The following FAM184A variants were observed in gnomAD, a reference collection of about 807,000 sequenced individuals.
The protein encoded by FAM184A is protein FAM184A.
A neutral mutation model predicts 143.8 loss-of-function variants in FAM184A; 99 were observed. The observed-to-expected ratio is 0.69, with a 90% CI of 0.58 to 0.81. The LOEUF is 0.81. FAM184A is among the 40% of genes least tolerant of loss of function. The pLI is 0.00. For synonymous variants in FAM184A, 427 were observed against 446.4 expected, an observed-to-expected ratio of 0.96 and a Z score of 0.55; for missense variants, 1,217 against 1,310.5, an observed-to-expected ratio of 0.93 and a Z score of 1.10.
chr6:119,134,741 A>T (rs1789619432), intron 1 of FAM184A, among the ~76,000 whole-genome samples: 1 of 152,144 alleles, frequency 6.6e-6, no homozygotes, highest in Admixed American at 6.5e-5. Context: ...ACTCACTGAG[A>T]TCACATGGGA....
intron 1 of FAM184A, among the ~76,000 whole-genome samples, chr6:119,093,667 T>G (rs1788430233): frequency 6.6e-6 from 1 of 152,130 alleles, no homozygotes; most frequent in Non-Finnish European, 1.5e-5. Context: ...TCCAAGACAC[T>G]CAACTCAGGA....
chr6:119,025,713 C>T, intron 1 of FAM184A: 1 of 463,856 alleles, frequency 2.2e-6, no homozygotes, highest in South Asian at 1.6e-5. Context: ...TTATTTAAGG[C>T]TTTGAGATGA....
chr6:118,998,778 G>A (rs1582484559), intron 9 of FAM184A, among the ~76,000 whole-genome samples: 3 of 152,128 alleles, frequency 2.0e-5, no homozygotes, highest in Admixed American at 2.0e-4. Context: ...AAGGGAGAGA[G>A]TGACAGGAGA....
chr6:118,986,121 G>A (rs1221178693), intron 9 of FAM184A, among the ~76,000 whole-genome samples: 5 of 151,964 alleles, frequency 3.3e-5, no homozygotes, highest in Admixed American at 1.3e-4. Context: ...GTGAAACCCC[G>A]TCTCTACTAA....
At position 119,019,968 on chromosome 6, in the gene FAM184A, T is replaced by C; in HGVS notation, c.1332+10A>G. The C allele has an allele frequency of 6.5e-7, 1 of 1,537,904 alleles. No individual in the cohort carries two copies. The highest frequency in any genetic ancestry group is 8.7e-7 in the Non-Finnish European group (1 of 1,148,012). ...CTTTCGGGGGGAATGGAGTGTCCAT[T>C]ACTTTTTACCTTCTCCAGTTCTAGA... On this transcript the variant is annotated intron_variant, in intron 4 of 17. Transcript: ENST00000338891.
upstream of FAM184A, among the ~76,000 whole-genome samples, chr6:119,083,315 A>C (rs2114809653): frequency 6.6e-6 from 1 of 152,332 alleles, no homozygotes; most frequent in African/African-American, 2.4e-5. Context: ...TTGGCAACTG[A>C]TATTCCTCTT....
rs1785503001 is a variant in FAM184A at position 119,023,040 on chromosome 6, A to G, written c.1055T>C (p.Met352Thr). The G allele has an allele frequency of 6.2e-7, 1 of 1,613,958 alleles. No homozygotes were observed. Reference sequence around the variant, plus strand: ...TTCTTTGTGCTTGCTTAATAGGGCCATTTCTCCCTCCTTGGCATCATCAAG... The same window carrying G: ...TTCTTTGTGCTTGCTTAATAGGGCCGTTTCTCCCTCCTTGGCATCATCAAG... ...KQLDDAKEGE[M>T]ALLSKHKEVE... Residue 352 changes from methionine to threonine, a missense_variant, in exon 3 of 18, where the codon ATG becomes ACG. Coordinates refer to ENST00000338891, the MANE Select transcript of FAM184A (RefSeq NM_024581.6).
At chr6:119,030,589 C>G (rs1336814682) in intron 1 of FAM184A, among the ~76,000 whole-genome samples, 1 of 151,882 alleles carries the variant, frequency 6.6e-6, no homozygotes, top group Non-Finnish European at 1.5e-5. Flanking sequence ...ATCAACTGAT[C>G]ACTGAAATTT....
chr6:119,133,304 A>AATT lies in FAM184A; in HGVS notation c.-202+15771_-202+15773dup, dbSNP rs1789583377. On this transcript the variant is annotated intron_variant, in intron 1 of 16. Transcript: ENST00000352896. The stretch of plus-strand genomic sequence containing the variant: ...TGAATTGTTTTACTAGTTTATTATA[A>AATT]ATTATATTAATTGAGGATTGATAAA... Among the ~76,000 whole-genome samples the AATT allele has an allele frequency of 3.9e-5, 6 of 152,254 alleles. No homozygotes were observed. In the South Asian group the frequency reaches 1.2e-3, roughly 32 times the overall value.
intron 1 of FAM184A, among the ~76,000 whole-genome samples, chr6:119,129,641 G>A (rs1789475435): frequency 6.6e-6 from 1 of 151,390 alleles, no homozygotes; most frequent in African/African-American, 2.4e-5. Flanking sequence ...AAATTTCTAG[G>A]GGTTCTCAAA....
At chr6:118,979,696 C>A (rs1783960471) in intron 10 of FAM184A, among the ~76,000 whole-genome samples, 178 bp from the exon 11 acceptor site, 1 of 152,046 alleles carries the variant, frequency 6.6e-6, no homozygotes, top group African/African-American at 2.4e-5. Flanking sequence ...AGGGTCATTT[C>A]AGTAGAATAA....
intron 9 of FAM184A, 29 bp downstream of exon 9, chr6:119,002,870 A>C: frequency 6.5e-7 from 1 of 1,540,524 alleles, no homozygotes; most frequent in Non-Finnish European, 8.7e-7. Context: ...AGGGAGATGA[A>C]ACTTCATCAT....
At chr6:119,002,556 C>T (rs929853979) in intron 9 of FAM184A, among the ~76,000 whole-genome samples, 2 of 152,048 alleles carry the variant, frequency 1.3e-5, no homozygotes, top group Non-Finnish European at 2.9e-5. Context: ...AAATTCTACC[C>T]TCTGTTGCCC....
At chr6:119,103,150 G>A (rs554093770) in intron 1 of FAM184A, among the ~76,000 whole-genome samples, 1 of 152,208 alleles carries the variant, frequency 6.6e-6, no homozygotes, top group Non-Finnish European at 1.5e-5. Context: ...AGAAGGGCCT[G>A]CTTTCTACCT....
intron 1 of FAM184A, among the ~76,000 whole-genome samples, chr6:119,075,589 TCTA>T (rs1787844449): frequency 6.6e-6 from 1 of 152,198 alleles, no homozygotes. Flanking sequence ...AGAGTTGAGT[TCTA>T]CTGACTTCTT....
At chr6:118,976,957 G>T (rs966425557) in intron 11 of FAM184A, among the ~76,000 whole-genome samples, 2 of 152,118 alleles carry the variant, frequency 1.3e-5, no homozygotes, top group African/African-American at 4.8e-5. Context: ...GATGGAAAAT[G>T]GTACAATCAC....
At chr6:119,122,914 G>A (rs1249905410) in intron 1 of FAM184A, among the ~76,000 whole-genome samples, 2 of 95,702 alleles carry the variant, frequency 2.1e-5, no homozygotes, top group African/African-American at 4.4e-5. Context: ...AACGGAGGAA[G>A]ACCCTGTCTG....
At chr6:119,131,467 G>T (rs185513502) in intron 1 of FAM184A, among the ~76,000 whole-genome samples, 8 of 152,150 alleles carry the variant, frequency 5.3e-5, no homozygotes, top group Admixed American at 4.6e-4. Context: ...TGCCATGTAT[G>T]GAGGGCACTC....
At chr6:118,979,291 G>A (rs1277159855) in intron 11 of FAM184A, 74 bp downstream of exon 11, 2 of 1,400,928 alleles carry the variant, frequency 1.4e-6, no homozygotes, top group Admixed American at 2.4e-5. Context: ...AAAACTTGGT[G>A]ATTTTATGTT....
Sources: allele counts gnomAD v4.1 joint callset (sites outside exome capture counted in the v4.1 genomes callset), GRCh38; gene constraint gnomAD v4.1.1; transcripts MANE v1.5; gene names NCBI Gene and HGNC (gene_info 2026-07-23, HGNC 2026-07-21).